Variants in ANO4 observed in about 807,000 individuals in gnomAD.
ANO4 encodes the protein anoctamin-4.
A neutral mutation model predicts 141.9 loss-of-function variants in ANO4; 69 were observed. The observed-to-expected ratio is 0.49, with a 90% CI of 0.40 to 0.59. The LOEUF (loss-of-function observed/expected upper bound fraction) is 0.59. ANO4 is among the 20% of genes least tolerant of loss of function. The probability of loss-of-function intolerance (pLI) is 0.00; values close to 1 mark genes in which losing one functional copy is unlikely to be tolerated. For missense variants in ANO4, 894 were observed against 1,162.2 expected, an observed-to-expected ratio of 0.77 and a Z score of 3.36; for synonymous variants, 350 against 394.3, an observed-to-expected ratio of 0.89 and a Z score of 1.33.
At chr12:101,019,963 A>G (rs768606285) in intron 8 of ANO4, 71 bp from the exon 9 acceptor site, 194 of 1,320,714 alleles carry the variant, frequency 1.5e-4, no homozygotes, top group Admixed American at 1.9e-4. Flanking sequence ...GAGCAACACC[A>G]AATTATAACA....
At chr12:100,907,036 C>T (rs1404324340) in intron 2 of ANO4, among the ~76,000 whole-genome samples, 1 of 152,146 alleles carries the variant, frequency 6.6e-6, no homozygotes, top group Non-Finnish European at 1.5e-5. Flanking sequence ...CAATTGTCTT[C>T]AGTGGTTCTC....
At chr12:100,963,772 T>G (rs972673676) in intron 5 of ANO4, among the ~76,000 whole-genome samples, 3 of 152,066 alleles carry the variant, frequency 2.0e-5, no homozygotes, top group Non-Finnish European at 4.4e-5. Context: ...CCTCGAGGAA[T>G]GTACACTTAT....
intron 2 of ANO4, among the ~76,000 whole-genome samples, chr12:100,736,373 G>T (rs2031614471): frequency 6.6e-6 from 1 of 152,148 alleles, no homozygotes; most frequent in Admixed American, 6.6e-5. Flanking sequence ...GGTAAACAGT[G>T]ATATTTTCCC....
At chr12:101,073,579 A>ATAATAATAG (rs1555294630) in intron 14 of ANO4, among the ~76,000 whole-genome samples, 2 of 149,238 alleles carry the variant, frequency 1.3e-5, no homozygotes, top group African/African-American at 4.9e-5. Flanking sequence ...AATAATAATA[A>ATAATAATAG]TAATAATAAT....
chr12:100,935,886 G>A (rs1335802760), intron 3 of ANO4, among the ~76,000 whole-genome samples: 1 of 152,160 alleles, frequency 6.6e-6, no homozygotes. Context: ...AACTTACCTT[G>A]TAGTTATAGC....
At position 101,110,574 on chromosome 12, in the gene ANO4, A is replaced by T; in HGVS notation, c.2302+18A>T. On this transcript the variant is annotated intron_variant, in intron 23 of 27. Transcript: ENST00000392977. ...AGACATAGGTAAGTTGGATTTGGGT[A>T]TGTTTTTAAAAAACATATTAAACAT... The T allele has an allele frequency of 6.5e-7, 1 of 1,528,964 alleles. No individual in the cohort carries two copies. Among genetic ancestry groups the T allele is most frequent in the Non-Finnish European group, 8.8e-7 (1 of 1,140,514 alleles). 94.7% of individuals were successfully genotyped at this position (1,528,964 alleles called of 1,614,324 possible).
intron 9 of ANO4, among the ~76,000 whole-genome samples, chr12:101,024,066 TG>T (rs2046638295): frequency 6.6e-6 from 1 of 152,224 alleles, no homozygotes; most frequent in South Asian, 2.1e-4. Context: ...AACTTCACTC[TG>T]AATTTATTTC....
Position 101,105,473 on chromosome 12 carries a change from G to A in ANO4, c.2150-4931G>A, listed in dbSNP as rs563208718. ...TAAAAACTATTCTTAGCTCACAGAT[G>A]GTTAAAAAAGAAAATCAGATGGTTG... On this transcript the variant is annotated intron_variant, in intron 22 of 27. Coordinates refer to ENST00000392977, the MANE Select transcript of ANO4 (RefSeq NM_001286615.2). Among the ~76,000 whole-genome samples, 14 of 152,304 alleles carry A rather than the reference G, an allele frequency of 9.2e-5. No homozygotes were observed. The East Asian group carries it at 2.1e-3, about 23-fold the overall frequency.
At chr12:100,739,965 C>T (rs2031791001) in exon 3 of ANO4, 1 of 702,578 alleles carries the variant, frequency 1.4e-6, no homozygotes, top group Non-Finnish European at 2.6e-6. Flanking sequence ...TCCAAAGATG[C>T]AGGCATCCCT....
intron 1 of ANO4, among the ~76,000 whole-genome samples, chr12:100,812,312 T>C (rs1474241610): frequency 6.6e-6 from 1 of 152,194 alleles, no homozygotes; most frequent in Non-Finnish European, 1.5e-5. Context: ...GTGCCTTGTG[T>C]TCTTGGCCAC....
intron 1 of ANO4, among the ~76,000 whole-genome samples, chr12:100,873,299 AG>A (rs1337255119): frequency 2.0e-5 from 3 of 152,216 alleles, no homozygotes; most frequent in African/African-American, 7.2e-5. Flanking sequence ...AAGTTGAAAG[AG>A]TATGGAGGGC....
At chr12:100,741,373 T>G (rs1193432547) in intron 3 of ANO4, among the ~76,000 whole-genome samples, 8 of 152,170 alleles carry the variant, frequency 5.3e-5, no homozygotes, top group Admixed American at 5.2e-4. Context: ...AGCAGTAGAT[T>G]GCAGACTTCA....
At chr12:101,076,894 A>G (rs1387816092) in intron 14 of ANO4, among the ~76,000 whole-genome samples, 2 of 152,162 alleles carry the variant, frequency 1.3e-5, no homozygotes, top group Non-Finnish European at 2.9e-5. Flanking sequence ...ACTCTGTGCA[A>G]AGACAGTTTG....
chr12:101,064,668 TAA>T (rs1400857281), intron 14 of ANO4, among the ~76,000 whole-genome samples: 5 of 87,496 alleles, frequency 5.7e-5, no homozygotes, highest in Non-Finnish European at 8.7e-5. Context: ...AGTATTATAA[TAA>T]TAATAATAAT....
intron 1 of ANO4, among the ~76,000 whole-genome samples, chr12:100,822,462 C>T (rs556260235): frequency 1.2e-4 from 19 of 152,092 alleles, no homozygotes; most frequent in African/African-American, 3.1e-4. Context: ...TTAAGGGAGA[C>T]GGCAGCTCCT....
Position 100,795,413 on chromosome 12 carries a change from G to A in ANO4, c.-141+386G>A, listed in dbSNP as rs538583026. Among the ~76,000 whole-genome samples, 5 of 152,306 alleles carry A rather than the reference G, an allele frequency of 3.3e-5. 1 individual carries two copies. The highest frequency in any genetic ancestry group is 1.2e-4 in the African/African-American group (5 of 41,562). ...ACTCACTCAGGATCAGAAGGGCCGG[G>A]GGTGACCTGCCCACATAGCAAACTC... On this transcript the variant is annotated intron_variant, in intron 1 of 27. Transcript: ENST00000392977.
chr12:101,040,209 A>G (rs1419547860), intron 11 of ANO4, 133 bp downstream of exon 11: 2 of 1,201,414 alleles, frequency 1.7e-6, no homozygotes, highest in East Asian at 5.1e-5. Context: ...GCTTCTTCAC[A>G]AGAGGAAACT....
At chr12:101,007,876 C>T (rs2045936184) in intron 8 of ANO4, among the ~76,000 whole-genome samples, 1 of 152,112 alleles carries the variant, frequency 6.6e-6, no homozygotes, top group South Asian at 2.1e-4. Context: ...TGTGCCAGCA[C>T]ACTCAGCTTG....
At chr12:100,918,423 A>G (rs2041451798) in intron 2 of ANO4, among the ~76,000 whole-genome samples, 1 of 152,196 alleles carries the variant, frequency 6.6e-6, no homozygotes, top group Non-Finnish European at 1.5e-5. Context: ...TAACTTCTGT[A>G]CCTATTTTGA....
Sources: gnomAD v4.1 joint callset for allele counts (sites outside exome capture counted in the v4.1 genomes callset) on GRCh38, gnomAD v4.1.1 for gene constraint, MANE v1.5 for transcripts, NCBI Gene and HGNC (gene_info 2026-07-23, HGNC 2026-07-21) for gene names.